The following TRIM62 variants were observed in gnomAD, a reference collection of about 807,000 sequenced individuals.
The protein encoded by TRIM62 is E3 ubiquitin-protein ligase TRIM62.
TRIM62 carries 39 observed loss-of-function variants against 44.2 expected under a neutral mutation model. The observed-to-expected ratio is 0.88, with a 90% CI of 0.68 to 1.15. The LOEUF (loss-of-function observed/expected upper bound fraction) is 1.15. Ranked by LOEUF, TRIM62 falls within the 50% of genes most tolerant of loss-of-function variation. TRIM62 has a pLI of 0.00. For synonymous variants in TRIM62, 278 were observed against 292.3 expected, an observed-to-expected ratio of 0.95 and a Z score of 0.50; for missense variants, 544 against 665.5, an observed-to-expected ratio of 0.82 and a Z score of 2.01.
At chr1:33,150,755 G>A (rs1570287587) in intron 4 of TRIM62, among the ~76,000 whole-genome samples, 1 of 152,254 alleles carries the variant, frequency 6.6e-6, no homozygotes, top group East Asian at 1.9e-4. Context: ...GGGAGCTGTA[G>A]GAGGAGTGTG....
At chr1:33,149,054 C>T (rs753130232) in intron 4 of TRIM62, among the ~76,000 whole-genome samples, 1 of 152,212 alleles carries the variant, frequency 6.6e-6, no homozygotes, top group Non-Finnish European at 1.5e-5. Flanking sequence ...GCAACCACCC[C>T]CAGAGGCTCA....
At position 33,181,249 on chromosome 1, in the gene TRIM62, G is replaced by T; in HGVS notation, c.184C>A (p.Leu62Met). 6.4e-7 allele frequency: 1 copy of T among 1,550,944 alleles called. No homozygotes were observed. The highest frequency in any genetic ancestry group is 2.4e-5 in the East Asian group (1 of 41,760). ...ECRRTFAEPA[L>M]APSLKLANIV... is the part of the protein sequence containing the mutation. Reference sequence around the variant, plus strand: ...TTGGCCAGCTTGAGGCTGGGCGCCAGCGCGGGCTCGGCGAACGTGCGCCGG... The same window carrying T: ...TTGGCCAGCTTGAGGCTGGGCGCCATCGCGGGCTCGGCGAACGTGCGCCGG... Residue 62 changes from leucine to methionine, a missense_variant, in exon 1 of 5, where the codon CTG becomes ATG. Coordinates refer to ENST00000291416, the MANE Select transcript of TRIM62 (RefSeq NM_018207.3). This position sits in a 1 kb window ranked among gnomAD's most constrained non-coding sequence, Gnocchi z 6.5.
At position 33,181,518 on chromosome 1, in the gene TRIM62, T is replaced by C; in HGVS notation, c.-86A>G. The C allele has an allele frequency of 6.9e-7, 1 of 1,457,890 alleles. No individual in the cohort carries two copies. The highest frequency in any genetic ancestry group is 9.0e-7 in the Non-Finnish European group (1 of 1,115,284). The allele number at this position is 1,457,890 out of a possible 1,614,324, so 90.3% of individuals were successfully genotyped here. Reference sequence around the variant, plus strand: ...CGCTGTCGGAGGCAGCACCGAGGGCTGGGCGCGGGGACGAGGCCCGCACAG... The same window carrying C: ...CGCTGTCGGAGGCAGCACCGAGGGCCGGGCGCGGGGACGAGGCCCGCACAG... On this transcript the variant is annotated 5_prime_UTR_variant, in exon 1 of 5. Coordinates refer to ENST00000291416, the MANE Select transcript of TRIM62 (RefSeq NM_018207.3). The surrounding 1 kb of genome is among the most constrained non-coding windows in gnomAD (Gnocchi z 6.5).
At chr1:33,152,773 T>G (rs1384034708) in intron 4 of TRIM62, among the ~76,000 whole-genome samples, 1 of 151,612 alleles carries the variant, frequency 6.6e-6, no homozygotes, top group Non-Finnish European at 1.5e-5. Context: ...GAGAGGGGAG[T>G]GCATTGCTCT....
intron 4 of TRIM62, among the ~76,000 whole-genome samples, chr1:33,153,188 C>T (rs1033357465): frequency 2.0e-5 from 3 of 152,278 alleles, no homozygotes; most frequent in African/African-American, 7.2e-5. Context: ...TCCCTGGGGG[C>T]ACCCCTCCCA....
At chr1:33,157,568 G>A (rs1645196780) in intron 4 of TRIM62, among the ~76,000 whole-genome samples, 1 of 151,976 alleles carries the variant, frequency 6.6e-6, no homozygotes, top group African/African-American at 2.4e-5. Flanking sequence ...CACACCCTAG[G>A]ATGTAAGATG....
At chr1:33,173,913 G>A (rs577904380) in intron 1 of TRIM62, among the ~76,000 whole-genome samples, 1 of 151,948 alleles carries the variant, frequency 6.6e-6, no homozygotes, top group South Asian at 2.1e-4. Flanking sequence ...TGCCCAGGAT[G>A]GTCTCGAACT....
In TRIM62 at chr1:33,181,346, G is replaced by A. The variant is rs755115565; in HGVS notation, c.87C>T (p.Tyr29=). 1.3e-6 allele frequency: 2 copies of A among 1,587,648 alleles called. No homozygotes were observed. The highest frequency in any genetic ancestry group is 8.5e-7 in the Non-Finnish European group (1 of 1,170,746). ...QDPVSLGCEH[Y]FCRRCITEHW... Reference sequence around the variant, plus strand: ...GCTCCGTGATGCAGCGGCGGCAGAAGTAATGCTCGCAGCCCAGGCTCACCG... The same window carrying A: ...GCTCCGTGATGCAGCGGCGGCAGAAATAATGCTCGCAGCCCAGGCTCACCG... The change falls in exon 1 of 5, where the codon TAC becomes TAT. Residue 29 remains tyrosine, a synonymous_variant. Transcript: ENST00000291416. The surrounding 1 kb of genome is among the most constrained non-coding windows in gnomAD (Gnocchi z 6.5).
chr1:33,148,581 G>T (rs1294686263), intron 4 of TRIM62, among the ~76,000 whole-genome samples: 1 of 152,176 alleles, frequency 6.6e-6, no homozygotes, highest in African/African-American at 2.4e-5. Flanking sequence ...TAGTGTGATT[G>T]TGGGTGAGCA....
In TRIM62 at chr1:33,159,505, C is replaced by A. The variant is rs546294421; in HGVS notation, c.761+183G>T. ...ATTGCTGCTGCTCCTCTAGTTCAAG[C>A]CTCACTGGCTTCATACTCAAGGCTT... On this transcript the variant is annotated intron_variant, in intron 3 of 4. Coordinates refer to ENST00000291416, the MANE Select transcript of TRIM62 (RefSeq NM_018207.3). The surrounding 1 kb of genome is among the most constrained non-coding windows in gnomAD (Gnocchi z 4.2). Among the ~76,000 whole-genome samples, 1 of 152,290 alleles carries A rather than the reference C, an allele frequency of 6.6e-6. No homozygotes were observed. The highest frequency in any genetic ancestry group is 2.1e-4 in the South Asian group (1 of 4,824).
chr1:33,147,458 TG>T lies in TRIM62; in HGVS notation c.1146del (p.Ser383AlafsTer8). The T allele has an allele frequency of 6.2e-7, 1 of 1,614,030 alleles. No homozygotes were observed. The highest frequency in any genetic ancestry group is 8.5e-7 in the Non-Finnish European group (1 of 1,180,036). ...ATCACGATGCAGTAGAAGCCGCGGC[TG>T]GGCTGGATCTGGATGCTGCCCTTGC... ...ASRKGSIQIQ[P>X]SRGFYCIVMH... is the part of the protein sequence containing the mutation. On this transcript the variant is annotated frameshift_variant, in exon 5 of 5. Transcript: ENST00000291416. LOFTEE classifies it high-confidence loss of function. This position sits in a 1 kb window ranked among gnomAD's most constrained non-coding sequence, Gnocchi z 8.1.
rs1333804333 is a variant in TRIM62 at position 33,167,101 on chromosome 1, C to T, written c.409-1535G>A. Among the ~76,000 whole-genome samples the T allele has an allele frequency of 6.6e-6, 1 of 152,116 alleles. No individual in the cohort carries two copies. The highest frequency in any genetic ancestry group is 1.5e-5 in the Non-Finnish European group (1 of 68,022). The stretch of plus-strand genomic sequence containing the variant: ...CCTGGCTATTCCCTCTGGCTGGTGG[C>T]CTCCACTCTCAGAGTTTCTCACGGT... On this transcript the variant is annotated intron_variant, in intron 1 of 4. Coordinates refer to ENST00000291416, the MANE Select transcript of TRIM62 (RefSeq NM_018207.3). This position sits in a 1 kb window ranked among gnomAD's most constrained non-coding sequence, Gnocchi z 4.2.
At chr1:33,169,298 G>A (rs947966947) in intron 1 of TRIM62, among the ~76,000 whole-genome samples, 16 of 152,246 alleles carry the variant, frequency 1.1e-4, no homozygotes, top group Admixed American at 2.0e-4. Context: ...CAGAAACCTC[G>A]GAGTGAGAGT....
chr1:33,149,360 G>T (rs1293855620), intron 4 of TRIM62, among the ~76,000 whole-genome samples: 1 of 151,970 alleles, frequency 6.6e-6, no homozygotes, highest in Non-Finnish European at 1.5e-5. Flanking sequence ...CGTCATGTTG[G>T]CCAGGCTGGT....
chr1:33,174,945 G>GTGTATA lies in TRIM62; in HGVS notation c.408+6079_408+6080insTATACA, dbSNP rs1172648170. 2.2e-3 allele frequency among the ~76,000 whole-genome samples: 308 copies of GTGTATA among 141,732 alleles called. 3 individuals carry two copies. The highest frequency in any genetic ancestry group is 7.7e-3 in the African/African-American group (282 of 36,518). The allele number at this position is 141,732 out of a possible 152,430, so 93.0% of individuals were successfully genotyped here. A position where few individuals can be genotyped will look rare whatever the true frequency, so the allele number is the denominator to read the frequency against. On this transcript the variant is annotated intron_variant, in intron 1 of 4. Coordinates refer to ENST00000291416, the MANE Select transcript of TRIM62 (RefSeq NM_018207.3). Reference sequence around the variant, plus strand: ...CACACACACACATACATATATGTGTGTATATATATATATATATATATATAC... The same window carrying GTGTATA: ...CACACACACACATACATATATGTGTGTGTATATATATATATATATATATATATATAC...
In TRIM62 at chr1:33,146,786, G is replaced by A. The variant is rs1645026172; in HGVS notation, c.*391C>T. 3 of 272,000 alleles carry A rather than the reference G, an allele frequency of 1.1e-5. No individual in the cohort carries two copies. Among genetic ancestry groups the A allele is most frequent in the Non-Finnish European group, 2.1e-5 (3 of 140,188 alleles). 16.8% of individuals were successfully genotyped at this position (272,000 alleles called of 1,614,324 possible). ...AGGCCATGGGACATAAGAGGGTGCT[G>A]TGTGTCTTTCGGGCTGCCAACTACT... On this transcript the variant is annotated 3_prime_UTR_variant, in exon 5 of 5. Coordinates refer to ENST00000291416, the MANE Select transcript of TRIM62 (RefSeq NM_018207.3).
chr1:33,171,240 C>A lies in TRIM62; in HGVS notation c.409-5674G>T, dbSNP rs1297983113. On this transcript the variant is annotated intron_variant, in intron 1 of 4. Transcript: ENST00000291416. ...TAAACTCTCAAGTGATACAGCTTAACCCTGAGGAAGGACACTGGTAACGGC... is the reference window on the plus strand; with the variant it reads ...TAAACTCTCAAGTGATACAGCTTAAACCTGAGGAAGGACACTGGTAACGGC... Among the ~76,000 whole-genome samples the A allele has an allele frequency of 2.0e-5, 3 of 152,188 alleles. No homozygotes were observed. The East Asian group carries it at 5.8e-4, about 29-fold the overall frequency.
At position 33,145,477 on chromosome 1, in the gene TRIM62, C is replaced by T. The variant is rs540181610; in HGVS notation, c.*1700G>A. 12 of 164,610 alleles carry T rather than the reference C, an allele frequency of 7.3e-5. No individual in the cohort carries two copies. The South Asian group carries it at 1.9e-3, about 26-fold the overall frequency. The allele number at this position is 164,610 out of a possible 1,614,324, so 10.2% of individuals were successfully genotyped here. ...GGCAACATTTTAAATAAAAATACTG[C>T]TGGGGTGGCCCAGATTCTGGTAGTT... is the stretch of plus-strand genomic sequence containing the variant. On this transcript the variant is annotated 3_prime_UTR_variant, in exon 5 of 5. Coordinates refer to ENST00000291416, the MANE Select transcript of TRIM62 (RefSeq NM_018207.3).
chr1:33,147,401 C>T lies in TRIM62; in HGVS notation c.1204G>A (p.Glu402Lys). 3 of 1,614,152 alleles carry T rather than the reference C, an allele frequency of 1.9e-6. No homozygotes were observed. The highest frequency in any genetic ancestry group is 2.5e-6 in the Non-Finnish European group (3 of 1,180,038). The change falls in exon 5 of 5, where the codon GAG becomes AAG. Residue 402 changes from glutamate to lysine, a missense_variant. Coordinates refer to ENST00000291416, the MANE Select transcript of TRIM62 (RefSeq NM_018207.3). The surrounding 1 kb of genome is among the most constrained non-coding windows in gnomAD (Gnocchi z 8.1). Reference protein sequence around the residue: ...HDGNQYSACTEPWTRLNVRDK... With the variant: ...HDGNQYSACTKPWTRLNVRDK... ...CGGACGTTAAGCCGCGTCCAGGGCTCCGTGCAGGCGCTGTACTGGTTGCCA... is the reference window on the plus strand; with the variant it reads ...CGGACGTTAAGCCGCGTCCAGGGCTTCGTGCAGGCGCTGTACTGGTTGCCA...
Sources: gnomAD v4.1 joint callset for allele counts (sites outside exome capture counted in the v4.1 genomes callset) on GRCh38, gnomAD v4.1.1 for gene constraint, Gnocchi (gnomAD v3.1) non-coding constraint, MANE v1.5 for transcripts, NCBI Gene and HGNC (gene_info 2026-07-23, HGNC 2026-07-21) for gene names.